Variants in INTS4 observed in about 807,000 individuals in gnomAD.
The protein encoded by INTS4 is MSTP093.
INTS4 carries 70 observed loss-of-function variants against 119.5 expected under a neutral mutation model. The ratio of observed to expected loss-of-function variants is 0.59; its 90% CI spans 0.48 to 0.71. The LOEUF is 0.71. Among genes scored for constraint, INTS4 ranks in the 30% least tolerant of loss-of-function variants. The probability of loss-of-function intolerance (pLI) is 0.00; values close to 1 mark genes in which losing one functional copy is unlikely to be tolerated. For missense variants in INTS4, 867 were observed against 1,173.2 expected (o/e 0.74, Z 3.81); for synonymous variants, 316 against 419.6 (o/e 0.75, Z 3.02).
chr11:77,964,232 C>T (rs1855383954), intron 4 of INTS4, among the ~76,000 whole-genome samples: 1 of 152,112 alleles, frequency 6.6e-6, no homozygotes, highest in Non-Finnish European at 1.5e-5. Flanking sequence ...CGACTTTCTT[C>T]CTACTGTGAT....
Position 77,918,822 on chromosome 11 carries a change from T to G in INTS4, c.1921A>C (p.Arg641=). Residue 641 remains arginine, a splice_region_variant and synonymous_variant, in exon 15 of 23, where the codon AGG becomes CGG. Coordinates refer to ENST00000534064, the MANE Select transcript of INTS4 (RefSeq NM_033547.4). The stretch of plus-strand genomic sequence containing the variant: ...CAGATGAAGGGATGATTACCCTACC[T>G]GATGGTGAATTCCAGCAGCTCCTGG... The part of the protein sequence containing the change: ...GAQELLEFTI[R]DLQRLGELQS... 6.2e-7 allele frequency: 1 copy of G among 1,613,082 alleles called. No individual in the cohort carries two copies.
chr11:77,889,867 A>G (rs1377001337), intron 21 of INTS4, among the ~76,000 whole-genome samples: 1 of 152,140 alleles, frequency 6.6e-6, no homozygotes, highest in African/African-American at 2.4e-5. Flanking sequence ...GTTTTTTAGG[A>G]GACAGTCTAG....
At chr11:77,959,498 A>G (rs1015542362) in intron 6 of INTS4, among the ~76,000 whole-genome samples, 43 of 151,938 alleles carry the variant, frequency 2.8e-4, no homozygotes, top group African/African-American at 1.0e-3. Flanking sequence ...TGCCTAGATT[A>G]CTAACAGAGT....
chr11:77,923,329 A>G (rs1460451074), intron 12 of INTS4, among the ~76,000 whole-genome samples: 1 of 151,180 alleles, frequency 6.6e-6, no homozygotes, highest in Non-Finnish European at 1.5e-5. Flanking sequence ...AAAAAAAAAA[A>G]AAAAAAAGCC....
Position 77,992,370 on chromosome 11 carries a change from G to A in INTS4, c.55-1071C>T, listed in dbSNP as rs537728073. ...TGCGCAACTGCACACCAGTTTGGGC[G>A]AAAAGAGCGAAACTCCATCTCAAAA... On this transcript the variant is annotated intron_variant, in intron 1 of 22. Transcript: ENST00000534064. Among the ~76,000 whole-genome samples, 3 of 152,086 alleles carry A rather than the reference G, an allele frequency of 2.0e-5. No homozygotes were observed. In the East Asian group the frequency reaches 5.9e-4, roughly 30 times the overall value.
intron 10 of INTS4, among the ~76,000 whole-genome samples, chr11:77,933,557 G>C (rs761243523): frequency 6.6e-6 from 1 of 152,138 alleles, no homozygotes; most frequent in African/African-American, 2.4e-5. Flanking sequence ...GTGCAGTGGC[G>C]TGATCTCGGC....
intron 3 of INTS4, among the ~76,000 whole-genome samples, chr11:77,981,203 A>G (rs1856202202): frequency 6.6e-6 from 1 of 151,648 alleles, no homozygotes; most frequent in Non-Finnish European, 1.5e-5. Context: ...AAAAAAAAAA[A>G]AAAAAAGGGA....
At chr11:77,994,471 T>C (rs1408416627) in intron 1 of INTS4, 119 bp downstream of exon 1, 15 of 775,426 alleles carry the variant, frequency 1.9e-5, no homozygotes, top group South Asian at 1.4e-4. Context: ...TCAGAGATTA[T>C]CAACAAGTCA....
At chr11:77,932,475 G>T (rs1039567968) in intron 10 of INTS4, among the ~76,000 whole-genome samples, 1 of 152,196 alleles carries the variant, frequency 6.6e-6, no homozygotes, top group African/African-American at 2.4e-5. Context: ...TGGAGAAGAT[G>T]TGGAGAAACA....
downstream of INTS4, among the ~76,000 whole-genome samples, chr11:77,875,034 T>TC (rs1291414640): frequency 2.8e-5 from 4 of 141,172 alleles, no homozygotes; most frequent in Non-Finnish European, 6.0e-5. Flanking sequence ...AGAGCAAGAC[T>TC]CCATCTCAAA....
At chr11:77,924,561 A>C in intron 12 of INTS4, 189 bp downstream of exon 12, 1 of 553,700 alleles carries the variant, frequency 1.8e-6, no homozygotes, top group Non-Finnish European at 3.3e-6. Context: ...ATTAGTAAGT[A>C]ATCTAAAATG....
intron 14 of INTS4, among the ~76,000 whole-genome samples, chr11:77,919,736 TA>T (rs745900025): frequency 2.0e-5 from 3 of 152,250 alleles, no homozygotes; most frequent in Admixed American, 6.5e-5. Context: ...TTCTTACTGT[TA>T]AAAGTGGTTA....
intron 7 of INTS4, among the ~76,000 whole-genome samples, chr11:77,957,771 C>T (rs1260115335): frequency 1.4e-5 from 2 of 147,616 alleles, no homozygotes; most frequent in Admixed American, 6.9e-5. Context: ...CAGGTTCAAG[C>T]GATTCTCCTG....
In INTS4 at chr11:77,991,218, C is replaced by A; in HGVS notation, c.136G>T (p.Ala46Ser). The A allele has an allele frequency of 6.2e-7, 1 of 1,614,126 alleles. No individual in the cohort carries two copies. The highest frequency in any genetic ancestry group is 1.6e-4 in the Middle Eastern group (1 of 6,062). ...TGCAAAGCATCTGCTGGGGAGGTAG[C>A]TTTACACAGATCTATGTGGAGTGCT... is the stretch of plus-strand genomic sequence containing the variant. ...SAALHIDLCK[A>S]TSPADALQYL... Residue 46 changes from alanine (A) to serine (S), a missense_variant, in exon 2 of 23, where the codon GCT (alanine) becomes TCT (serine). Ala to Ser is a moderately conservative substitution (Grantham distance 99). Transcript: ENST00000534064.
At chr11:77,882,456 T>C (rs1181014725) in intron 22 of INTS4, among the ~76,000 whole-genome samples, 1 of 152,190 alleles carries the variant, frequency 6.6e-6, no homozygotes, top group Non-Finnish European at 1.5e-5. Context: ...TAATTTGCTT[T>C]CCTGAGCCTT....
At chr11:77,939,074 C>T (rs1039485460) in intron 9 of INTS4, among the ~76,000 whole-genome samples, 12 of 152,186 alleles carry the variant, frequency 7.9e-5, no homozygotes, top group Admixed American at 3.9e-4. Flanking sequence ...TTAAGAAAGT[C>T]GGTTATGTTT....
At chr11:77,933,836 G>T (rs544630848) in intron 10 of INTS4, among the ~76,000 whole-genome samples, 18 of 151,110 alleles carry the variant, frequency 1.2e-4, no homozygotes, top group African/African-American at 3.4e-4. Flanking sequence ...CTGCCCGGCC[G>T]CCCTGTCTGG....
At chr11:77,983,603 C>G (rs1455372999) in intron 2 of INTS4, among the ~76,000 whole-genome samples, 1 of 152,124 alleles carries the variant, frequency 6.6e-6, no homozygotes, top group East Asian at 1.9e-4. Context: ...CTAATCATTA[C>G]AGAAATGCAA....
At chr11:77,921,083 A>G (rs1206996084) in intron 14 of INTS4, among the ~76,000 whole-genome samples, 1 of 152,098 alleles carries the variant, frequency 6.6e-6, no homozygotes, top group Non-Finnish European at 1.5e-5. Context: ...AAGTTTTCAG[A>G]GAATATATGG....
Sources: allele counts gnomAD v4.1 joint callset (sites outside exome capture counted in the v4.1 genomes callset), GRCh38; gene constraint gnomAD v4.1.1; transcripts MANE v1.5; gene names NCBI Gene and HGNC (gene_info 2026-07-23, HGNC 2026-07-21).